The following MKRN1 variants were observed in gnomAD, a reference collection of about 807,000 sequenced individuals.
The protein encoded by MKRN1 is E3 ubiquitin-protein ligase makorin-1.
MKRN1 carries 9 observed loss-of-function variants against 55.5 expected under a neutral mutation model. The observed-to-expected ratio is 0.16, with a 90% CI of 0.10 to 0.28. MKRN1 has a LOEUF of 0.28. Among genes scored for constraint, MKRN1 ranks in the 10% least tolerant of loss-of-function variants. The pLI is 1.00. For missense variants in MKRN1, 488 were observed against 626.7 expected (o/e 0.78, Z 2.36); for synonymous variants, 253 against 235.9 (o/e 1.07, Z -0.66).
rs1016207967 is a variant in MKRN1, at chr7:140,479,412, G to A, written c.-68C>T. The A allele has an allele frequency of 2.4e-5, 30 of 1,254,432 alleles. No homozygotes were observed. Among genetic ancestry groups the A allele is most frequent in the African/African-American group, 2.0e-4 (13 of 64,402 alleles). 77.7% of individuals were successfully genotyped at this position (1,254,432 alleles called of 1,614,324 possible). On this transcript the variant is annotated 5_prime_UTR_variant, in exon 1 of 8. Coordinates refer to ENST00000255977, the MANE Select transcript of MKRN1 (RefSeq NM_013446.4). ...TCACATAGTTCCGGTCCGGCTGCGG[G>A]GAGAGGACGGCGAGGCCAGGCGAGG...
chr7:140,460,033 G>C, intron 2 of MKRN1, 97 bp from the exon 3 acceptor site: 1 of 1,073,262 alleles, frequency 9.3e-7, no homozygotes, highest in Non-Finnish European at 1.4e-6. Flanking sequence ...GATCACCAGA[G>C]AGGTTGGGAG....
intron 1 of MKRN1, among the ~76,000 whole-genome samples, chr7:140,476,478 A>AG: frequency 6.7e-6 from 1 of 149,056 alleles, no homozygotes; most frequent in East Asian, 1.9e-4. Context: ...TCTCAAAAAA[A>AG]AAAAAAAAAA....
At chr7:140,465,864 G>A (rs571609081) in intron 2 of MKRN1, among the ~76,000 whole-genome samples, 2 of 152,078 alleles carry the variant, frequency 1.3e-5, no homozygotes, top group Non-Finnish European at 2.9e-5. Flanking sequence ...GGCGGATCAG[G>A]AGGTCAGAAG....
chr7:140,453,145 A>G lies in MKRN1; in HGVS notation c.*1372T>C, dbSNP rs539065725. 9 of 152,744 alleles carry G rather than the reference A, an allele frequency of 5.9e-5. No homozygotes were observed. The highest frequency in any genetic ancestry group is 1.2e-4 in the Non-Finnish European group (8 of 68,032). The allele number at this position is 152,744 out of a possible 1,614,324, so 9.5% of individuals were successfully genotyped here. A position where few individuals can be genotyped will look rare whatever the true frequency, so the allele number is the denominator to read the frequency against. The stretch of plus-strand genomic sequence containing the variant: ...CTGCAACAATTATTTGTTTTTTCTT[A>G]AAGTGAAAGAATGGGTGGGATCCAA... On this transcript the variant is annotated 3_prime_UTR_variant, in exon 8 of 8. Coordinates refer to ENST00000255977, the MANE Select transcript of MKRN1 (RefSeq NM_013446.4).
chr7:140,455,328 C>T (rs1455102630), intron 6 of MKRN1, 95 bp from the exon 7 acceptor site: 27 of 1,484,544 alleles, frequency 1.8e-5, no homozygotes, highest in Non-Finnish European at 2.5e-5. Context: ...AGGGATAGAA[C>T]CAGTATGTCA....
At chr7:140,476,403 C>CAG (rs566649454) in intron 1 of MKRN1, among the ~76,000 whole-genome samples, 145 of 139,076 alleles carry the variant, frequency 1.0e-3, no homozygotes, top group Middle Eastern at 4.2e-3. Flanking sequence ...ACCCAGGAGG[C>CAG]AGAGGTTGCA....
rs376672992 is a variant in MKRN1, at chr7:140,471,746, A to C, written c.314+137T>G. ...AAGCATCCCAAAGTGCTGGGATTAT[A>C]GGCATGAGCCACTGCCCAGCCAAGA... On this transcript the variant is annotated intron_variant, in intron 2 of 7. Coordinates refer to ENST00000255977, the MANE Select transcript of MKRN1 (RefSeq NM_013446.4). The C allele has an allele frequency of 3.3e-6, 4 of 1,209,776 alleles. No homozygotes were observed. In the African/African-American group the frequency reaches 6.2e-5, roughly 19 times the overall value. 74.9% of individuals were successfully genotyped at this position (1,209,776 alleles called of 1,614,324 possible).
chr7:140,458,100 T>G (rs796202249), intron 4 of MKRN1, among the ~76,000 whole-genome samples: 8 of 152,300 alleles, frequency 5.3e-5, no homozygotes, highest in African/African-American at 1.9e-4. Flanking sequence ...GCAGCCACTG[T>G]GGAAAAGTAT....
chr7:140,474,004 AAAAAGAAAGAAAGAAAGAAAGAAAGAAAG>A (rs761718411), intron 1 of MKRN1, among the ~76,000 whole-genome samples: 11,360 of 93,636 alleles, frequency 0.12, 1,190 homozygotes, highest in Non-Finnish European at 0.15. Flanking sequence ...AAAAAAAAAA[AAAAAGAAAGAAAGAAAGAAAGAAAGAAAG>A]AAAGAAAGAA....
At chr7:140,463,395 A>ACAT (rs1224729561) in intron 2 of MKRN1, among the ~76,000 whole-genome samples, 20 of 152,228 alleles carry the variant, frequency 1.3e-4, no homozygotes, top group African/African-American at 4.6e-4. Context: ...ACCACTGCCC[A>ACAT]CATCTAACTC....
At chr7:140,456,903 CAT>C (rs1297001063) in intron 4 of MKRN1, 37 bp from the exon 5 acceptor site, 1 of 1,583,148 alleles carries the variant, frequency 6.3e-7, no homozygotes. Flanking sequence ...GGAATCCAGT[CAT>C]TGAACCCTGA....
Position 140,458,994 on chromosome 7 carries a change from C to T in MKRN1, c.771+13G>A. 1 of 1,612,862 alleles carries T rather than the reference C, an allele frequency of 6.2e-7. No homozygotes were observed. The highest frequency in any genetic ancestry group is 8.5e-7 in the Non-Finnish European group (1 of 1,178,970). ...TCACATCTAATAACACACACATCTC[C>T]CTAAAGACTTACTTTGATATGCTGC... On this transcript the variant is annotated intron_variant, in intron 4 of 7. Transcript: ENST00000255977.
chr7:140,477,439 G>A (rs957042253), intron 1 of MKRN1, among the ~76,000 whole-genome samples: 2 of 152,080 alleles, frequency 1.3e-5, no homozygotes, highest in East Asian at 3.8e-4. Context: ...CCCTGCCTCA[G>A]CCTCCGGAGT....
In MKRN1 at chr7:140,459,917, A is replaced by T. The variant is rs745683076; in HGVS notation, c.334T>A (p.Leu112Met). ...GTAGCAGTTGCTTCTTCCTGTTTCAATGGTTTGCTATGTTCATATCTAAGA... is the reference window on the plus strand; with the variant it reads ...GTAGCAGTTGCTTCTTCCTGTTTCATTGGTTTGCTATGTTCATATCTAAGA... ...DRCRYEHSKP[L>M]KQEEATATEL... Residue 112 changes from leucine to methionine, a missense_variant, in exon 3 of 8, where the codon TTG becomes ATG. Transcript: ENST00000255977. The T allele has an allele frequency of 5.6e-6, 9 of 1,613,722 alleles. No individual in the cohort carries two copies. The highest frequency in any genetic ancestry group is 7.6e-6 in the Non-Finnish European group (9 of 1,179,798).
intron 2 of MKRN1, among the ~76,000 whole-genome samples, chr7:140,469,317 C>A (rs1291250657): frequency 6.6e-6 from 1 of 150,816 alleles, no homozygotes; most frequent in Non-Finnish European, 1.5e-5. Flanking sequence ...CAGCGAGACT[C>A]CATCTCAAAA....
At chr7:140,478,078 G>A (rs534353721) in intron 1 of MKRN1, 1 of 152,278 alleles carries the variant, frequency 6.6e-6, no homozygotes, top group Admixed American at 6.5e-5. Context: ...AGACTGGGAA[G>A]GTTTCAAATT....
intron 2 of MKRN1, among the ~76,000 whole-genome samples, chr7:140,463,938 CTTTTG>C (rs886722953): frequency 1.5e-4 from 22 of 151,716 alleles, no homozygotes; most frequent in Admixed American, 7.2e-4. Context: ...TTTCATTTTA[CTTTTG>C]TTTTGTTTTT....
At chr7:140,472,754 ACT>A (rs112120514) in intron 1 of MKRN1, among the ~76,000 whole-genome samples, 28,506 of 151,272 alleles carry the variant, frequency 0.19, 3,388 homozygotes, top group Non-Finnish European at 0.27. Flanking sequence ...CACGACTATG[ACT>A]CTGTCTCAAA....
At chr7:140,455,349 C>T (rs1242651955) in intron 6 of MKRN1, 116 bp from the exon 7 acceptor site, 1 of 1,290,694 alleles carries the variant, frequency 7.7e-7, no homozygotes, top group Non-Finnish European at 1.1e-6. Context: ...GCTTACAGCC[C>T]TCCCCAAGAT....
Sources: allele counts gnomAD v4.1 joint callset (sites outside exome capture counted in the v4.1 genomes callset), GRCh38; gene constraint gnomAD v4.1.1; transcripts MANE v1.5; gene names NCBI Gene and HGNC (gene_info 2026-07-23, HGNC 2026-07-21).